The following PRKAR2A variants were observed in gnomAD, a reference collection of about 807,000 sequenced individuals.
PRKAR2A encodes the protein cAMP-dependent protein kinase type II-alpha regulatory subunit.
In PRKAR2A, 29 loss-of-function variants were observed where a neutral mutation model predicts 51.9. The ratio of observed to expected loss-of-function variants is 0.56; its 90% CI spans 0.42 to 0.76. The LOEUF is 0.76. PRKAR2A is among the 30% of genes least tolerant of loss of function. PRKAR2A has a pLI of 0.00. For missense variants in PRKAR2A, 445 were observed against 512.1 expected (o/e 0.87, Z 1.26); for synonymous variants, 178 against 186.2 (o/e 0.96, Z 0.36).
chr3:48,756,480 T>C (rs1206854127), intron 8 of PRKAR2A, 36 bp from the exon 9 acceptor site: 1 of 1,508,388 alleles, frequency 6.6e-7, no homozygotes, highest in Admixed American at 1.7e-5. Flanking sequence ...GAGCCATAAG[T>C]AGTATTGAAG....
chr3:48,830,191 G>A (rs1424971756), intron 1 of PRKAR2A, among the ~76,000 whole-genome samples: 1 of 149,026 alleles, frequency 6.7e-6, no homozygotes. Flanking sequence ...CGACAAGAGC[G>A]AAGCTCCGTC....
At chr3:48,765,724 C>CAAAAAAAA (rs756566818) in intron 6 of PRKAR2A, among the ~76,000 whole-genome samples, 8 of 45,234 alleles carry the variant, frequency 1.8e-4, no homozygotes, top group South Asian at 1.2e-3. Flanking sequence ...ACCCTCATTT[C>CAAAAAAAA]AAAAAAAAAA....
At chr3:48,782,414 C>T (rs1351838156) in intron 5 of PRKAR2A, among the ~76,000 whole-genome samples, 1 of 152,102 alleles carries the variant, frequency 6.6e-6, no homozygotes, top group Non-Finnish European at 1.5e-5. Flanking sequence ...CCCTGCACTC[C>T]TTACTAACTG....
At chr3:48,776,802 T>C (rs1207088524) in intron 5 of PRKAR2A, among the ~76,000 whole-genome samples, 1 of 152,026 alleles carries the variant, frequency 6.6e-6, no homozygotes, top group East Asian at 1.9e-4. Context: ...GATCGCACCA[T>C]TGCACTCCAG....
At chr3:48,755,780 C>CTTTTTTT (rs1160883747) in intron 9 of PRKAR2A, among the ~76,000 whole-genome samples, 1 of 133,494 alleles carries the variant, frequency 7.5e-6, no homozygotes, top group African/African-American at 2.7e-5. Context: ...CCCCCATTTC[C>CTTTTTTT]TTTTTTTTTT....
At chr3:48,813,757 G>A (rs1357526584) in intron 1 of PRKAR2A, among the ~76,000 whole-genome samples, 1 of 152,112 alleles carries the variant, frequency 6.6e-6, no homozygotes, top group African/African-American at 2.4e-5. Context: ...ACTGTCTCCA[G>A]AAAATTTTAT....
rs2081578512 is a variant in PRKAR2A, at chr3:48,747,481, CAT to C, written c.*4102_*4103del. On this transcript the variant is annotated 3_prime_UTR_variant, in exon 11 of 11. Transcript: ENST00000265563. The stretch of plus-strand genomic sequence containing the variant: ...AGAAAACGGGCAATCAGAGGATAAA[CAT>C]AACCTCTCCTGGCTGGAGAACCATT... The C allele has an allele frequency of 6.6e-6, 1 of 152,132 alleles. No homozygotes were observed. Among genetic ancestry groups the C allele is most frequent in the Non-Finnish European group, 1.5e-5 (1 of 68,034 alleles). The allele number at this position is 152,132 out of a possible 1,614,324, so 9.4% of individuals were successfully genotyped here.
chr3:48,754,046 C>T (rs1280863429), intron 9 of PRKAR2A, among the ~76,000 whole-genome samples: 5 of 141,888 alleles, frequency 3.5e-5, no homozygotes, highest in East Asian at 2.2e-4. Flanking sequence ...TACAGGTGCC[C>T]GCAACCACAC....
chr3:48,838,913 G>A (rs554874656), intron 1 of PRKAR2A, among the ~76,000 whole-genome samples: 158 of 152,124 alleles, frequency 1.0e-3, no homozygotes, highest in Non-Finnish European at 1.9e-3. Flanking sequence ...GAACCTGGGA[G>A]GTGGAGCTTG....
At position 48,767,473 on chromosome 3, in the gene PRKAR2A, T is replaced by C. The variant is rs140173973; in HGVS notation, c.697-2124A>G. ...CAGCCTGGGTAACAGAGCGAGACCC[T>C]GCCTCGAAAAAAACAAAAACAAAAC... On this transcript the variant is annotated intron_variant, in intron 6 of 10. Transcript: ENST00000265563. Among the ~76,000 whole-genome samples, 5 of 150,016 alleles carry C rather than the reference T, an allele frequency of 3.3e-5. No homozygotes were observed. The East Asian group carries it at 1.0e-3, about 30-fold the overall frequency.
chr3:48,793,761 G>C (rs941876161), intron 3 of PRKAR2A, among the ~76,000 whole-genome samples: 1 of 149,170 alleles, frequency 6.7e-6, no homozygotes, highest in Non-Finnish European at 1.5e-5. Flanking sequence ...CAAAGTGTTC[G>C]GATTACAGGT....
chr3:48,791,534 C>T (rs1442458813), intron 3 of PRKAR2A, among the ~76,000 whole-genome samples: 1 of 130,858 alleles, frequency 7.6e-6, no homozygotes, highest in East Asian at 2.4e-4. Context: ...TTGGAGGTTG[C>T]TGTGAGCCAA....
chr3:48,763,138 G>C (rs544959768), intron 8 of PRKAR2A, among the ~76,000 whole-genome samples: 4 of 152,272 alleles, frequency 2.6e-5, no homozygotes, highest in African/African-American at 9.6e-5. Flanking sequence ...CAAAACAAAT[G>C]AAACAACATA....
At chr3:48,764,745 C>T (rs2081912624) in intron 8 of PRKAR2A, among the ~76,000 whole-genome samples, 2 of 152,168 alleles carry the variant, frequency 1.3e-5, no homozygotes. Context: ...CCGCCTCAGC[C>T]TCCCAAGTAG....
At chr3:48,845,997 G>A (rs114975383) in intron 1 of PRKAR2A, among the ~76,000 whole-genome samples, 1 of 151,772 alleles carries the variant, frequency 6.6e-6, no homozygotes, top group African/African-American at 2.4e-5. Flanking sequence ...TGTGAGGGGA[G>A]GGACAGTCTC....
At chr3:48,773,142 AC>A in intron 5 of PRKAR2A, 34 bp from the exon 6 acceptor site, 1 of 1,540,532 alleles carries the variant, frequency 6.5e-7, no homozygotes, top group African/African-American at 1.4e-5. Context: ...TTAATTAGTT[AC>A]TTCTGATAAT....
intron 1 of PRKAR2A, among the ~76,000 whole-genome samples, chr3:48,839,488 T>C (rs989191883): frequency 2.0e-5 from 3 of 152,106 alleles, no homozygotes; most frequent in Non-Finnish European, 4.4e-5. Context: ...AATGTCGATT[T>C]ATTGTTTGTA....
chr3:48,775,937 G>C (rs997739127), intron 5 of PRKAR2A, among the ~76,000 whole-genome samples: 2 of 151,908 alleles, frequency 1.3e-5, no homozygotes, highest in Non-Finnish European at 2.9e-5. Flanking sequence ...GTGAAACCCC[G>C]TCTCTCCTAA....
Position 48,847,813 on chromosome 3 carries a change from G to T in PRKAR2A, c.-217C>A, listed in dbSNP as rs1325003501. On this transcript the variant is annotated 5_prime_UTR_variant, in exon 1 of 11. Coordinates refer to ENST00000265563, the MANE Select transcript of PRKAR2A (RefSeq NM_004157.4). This position sits in a 1 kb window ranked among gnomAD's most constrained non-coding sequence, Gnocchi z 4.4. Reference sequence around the variant, plus strand: ...CCGCCGCCGCTGTCACTGGGCAGCCGCCGCCGCCGCGGGGACCGACGGGCA... The same window carrying T: ...CCGCCGCCGCTGTCACTGGGCAGCCTCCGCCGCCGCGGGGACCGACGGGCA... 1 of 420,458 alleles carries T rather than the reference G, an allele frequency of 2.4e-6. No individual in the cohort carries two copies. Among genetic ancestry groups the T allele is most frequent in the African/African-American group, 2.1e-5 (1 of 48,404 alleles). 26.0% of individuals were successfully genotyped at this position (420,458 alleles called of 1,614,324 possible). A position where few individuals can be genotyped will look rare whatever the true frequency, so the allele number is the denominator to read the frequency against.
Sources: gnomAD v4.1 joint callset for allele counts (sites outside exome capture counted in the v4.1 genomes callset) on GRCh38, gnomAD v4.1.1 for gene constraint, Gnocchi (gnomAD v3.1) non-coding constraint, MANE v1.5 for transcripts, NCBI Gene and HGNC (gene_info 2026-07-23, HGNC 2026-07-21) for gene names.